Variants in C12orf42 observed in about 807,000 individuals in gnomAD.
The protein encoded by C12orf42 is uncharacterized protein C12orf42.
C12orf42 carries 25 observed loss-of-function variants against 21.6 expected under a neutral mutation model. The ratio of observed to expected loss-of-function variants is 1.16; its 90% CI spans 0.84 to 1.62. The LOEUF (loss-of-function observed/expected upper bound fraction) is 1.62. Among genes scored for constraint, C12orf42 ranks in the 40% most tolerant of loss-of-function variants. The probability of loss-of-function intolerance (pLI) is 0.00; values close to 1 mark genes in which losing one functional copy is unlikely to be tolerated. For synonymous variants in C12orf42, 174 were observed against 175.0 expected, an observed-to-expected ratio of 0.99 and a Z score of 0.05; for missense variants, 483 against 459.3, an observed-to-expected ratio of 1.05 and a Z score of -0.47.
the C12orf42 span, among the ~76,000 whole-genome samples, chr12:103,562,310 G>A: frequency 1.1e-4 from 16 of 152,148 alleles, no homozygotes; most frequent in South Asian, 6.2e-4. Context: ...CTAAAGTTGT[G>A]TGAGTCTCTG....
the C12orf42 span, among the ~76,000 whole-genome samples, chr12:103,184,956 T>C: frequency 2.0e-5 from 3 of 151,618 alleles, no homozygotes; most frequent in Non-Finnish European, 2.9e-5. Context: ...CCAAGGAGAG[T>C]GGCTTCAGAA....
At chr12:103,369,456 A>G (rs953603833) in intron 3 of C12orf42, among the ~76,000 whole-genome samples, 2 of 152,048 alleles carry the variant, frequency 1.3e-5, no homozygotes, top group African/African-American at 4.8e-5. Context: ...ACATTTTCAT[A>G]CAGGGTGACA....
chr12:103,048,756 G>A, the C12orf42 span, among the ~76,000 whole-genome samples: 19 of 152,098 alleles, frequency 1.2e-4, no homozygotes, highest in African/African-American at 3.4e-4. Context: ...TTCTGGATTC[G>A]CCTTGTAGCC....
chr12:103,141,315 AT>A, the C12orf42 span, among the ~76,000 whole-genome samples: 2 of 152,208 alleles, frequency 1.3e-5, no homozygotes, highest in Non-Finnish European at 2.9e-5. Flanking sequence ...TGGGAGATAC[AT>A]GTCAGTAAAG....
intron 1 of C12orf42, among the ~76,000 whole-genome samples, chr12:103,493,032 T>G (rs1955280727): frequency 6.6e-6 from 1 of 152,314 alleles, no homozygotes; most frequent in East Asian, 1.9e-4. Context: ...AGGTTTCTGC[T>G]GTTGCTTGTC....
intron 4 of C12orf42, among the ~76,000 whole-genome samples, chr12:103,292,037 A>G (rs1445691531): frequency 6.6e-6 from 1 of 152,190 alleles, no homozygotes; most frequent in African/African-American, 2.4e-5. Flanking sequence ...TAACCAATCA[A>G]TGGATAAACA....
chr12:103,194,935 C>T, the C12orf42 span, among the ~76,000 whole-genome samples: 2 of 152,070 alleles, frequency 1.3e-5, no homozygotes, highest in African/African-American at 4.8e-5. Flanking sequence ...TTTTTTCAAT[C>T]CTCATTCTCC....
chr12:103,190,195 C>T, the C12orf42 span, among the ~76,000 whole-genome samples: 1 of 152,260 alleles, frequency 6.6e-6, no homozygotes, highest in East Asian at 1.9e-4. Flanking sequence ...CTGGGCAACC[C>T]CTGGAGTCTA....
the C12orf42 span, among the ~76,000 whole-genome samples, chr12:103,227,036 C>A: frequency 1.3e-5 from 2 of 152,034 alleles, no homozygotes; most frequent in Non-Finnish European, 2.9e-5. Flanking sequence ...TGGGGTCAAG[C>A]GGCATTGCAG....
intron 5 of C12orf42, chr12:103,273,986 A>C (rs760950664): frequency 2.2e-6 from 1 of 454,226 alleles, no homozygotes; most frequent in Non-Finnish European, 4.4e-6. Flanking sequence ...TCCCCCCAAG[A>C]GCACTCCTAT....
At chr12:103,486,084 A>C (rs1954811012) in intron 1 of C12orf42, among the ~76,000 whole-genome samples, 1 of 152,220 alleles carries the variant, frequency 6.6e-6, no homozygotes, top group Admixed American at 6.5e-5. Context: ...GTTTTTGCCC[A>C]ATCAGTATGA....
At chr12:103,343,664 C>A (rs1362682663) in intron 4 of C12orf42, among the ~76,000 whole-genome samples, 1 of 151,144 alleles carries the variant, frequency 6.6e-6, no homozygotes, top group African/African-American at 2.4e-5. Context: ...ATCCTAGATA[C>A]TCGGGAGGCT....
At chr12:103,133,816 A>G in the C12orf42 span, among the ~76,000 whole-genome samples, 1 of 152,198 alleles carries the variant, frequency 6.6e-6, no homozygotes, top group African/African-American at 2.4e-5. Context: ...TGCTATTCTC[A>G]TGATAGTGAG....
chr12:103,168,292 T>G, the C12orf42 span: 1 of 278,776 alleles, frequency 3.6e-6, no homozygotes, highest in South Asian at 3.3e-5. Context: ...TAAATATGAC[T>G]CAGTTTTTCC....
chr12:103,324,405 A>G (rs2040478560), intron 4 of C12orf42, among the ~76,000 whole-genome samples: 1 of 152,212 alleles, frequency 6.6e-6, no homozygotes, highest in Non-Finnish European at 1.5e-5. Context: ...CTCACCCAAA[A>G]AAATTAGTCC....
At chr12:103,160,003 G>T in the C12orf42 span, among the ~76,000 whole-genome samples, 1 of 152,216 alleles carries the variant, frequency 6.6e-6, no homozygotes, top group Non-Finnish European at 1.5e-5. Context: ...GCCAGCTGAG[G>T]TGGAACAACA....
At chr12:103,485,453 G>A (rs1196061603) in intron 1 of C12orf42, among the ~76,000 whole-genome samples, 3 of 152,240 alleles carry the variant, frequency 2.0e-5, no homozygotes, top group Non-Finnish European at 2.9e-5. Flanking sequence ...TTGGCAATGT[G>A]GGCTCTTTTT....
chr12:103,294,389 A>AAAAGAAAGAAAGAAAGAAAG lies in C12orf42; in HGVS notation n.338-17199_338-17180dup, dbSNP rs10579611. On this transcript the variant is annotated intron_variant and non_coding_transcript_variant, in intron 4 of 6. Coordinates refer to the C12orf42 transcript ENST00000546526. ...AAAGAAAGAGAAAGAAGAAAGAAGA[A>AAAAGAAAGAAAGAAAGAAAG]AAAGAAAGAAAGAAAGAAAGAAAGA... Among the ~76,000 whole-genome samples, 123 of 118,836 alleles carry AAAAGAAAGAAAGAAAGAAAG rather than the reference A, an allele frequency of 1.0e-3. 1 individual carries two copies. The East Asian group carries it at 0.024, about 23-fold the overall frequency. 78.0% of individuals were successfully genotyped at this position (118,836 alleles called of 152,430 possible).
At chr12:103,126,182 A>G in the C12orf42 span, among the ~76,000 whole-genome samples, 7 of 151,632 alleles carry the variant, frequency 4.6e-5, no homozygotes, top group African/African-American at 1.5e-4. Flanking sequence ...CACTGCCTGT[A>G]TCTGCCCCAG....
Sources: gnomAD v4.1 joint callset for allele counts (sites outside exome capture counted in the v4.1 genomes callset) on GRCh38, gnomAD v4.1.1 for gene constraint, MANE v1.5 for transcripts, NCBI Gene and HGNC (gene_info 2026-07-23, HGNC 2026-07-21) for gene names.